Variants in ETV1 observed in about 807,000 individuals in gnomAD.
ETV1 encodes the protein ETS variant transcription factor 1.
In ETV1, 27 loss-of-function variants were observed where a neutral mutation model predicts 62.3. The observed-to-expected ratio is 0.43, with a 90% CI of 0.32 to 0.60. The LOEUF is 0.60. Among genes scored for constraint, ETV1 ranks in the 20% least tolerant of loss-of-function variants. The pLI is 0.06. For synonymous variants in ETV1, 222 were observed against 199.6 expected (o/e 1.11, Z -0.94); for missense variants, 605 against 605.8 (o/e 1.00, Z 0.01).
chr7:13,911,389 A>G, intron 9 of ETV1, 82 bp from the exon 10 acceptor site: 1 of 914,734 alleles, frequency 1.1e-6, no homozygotes, highest in Non-Finnish European at 1.8e-6. Flanking sequence ...CAGACAGAGA[A>G]GATACAGAAA....
chr7:13,928,321 A>G (rs1785666155), intron 9 of ETV1, among the ~76,000 whole-genome samples: 1 of 152,252 alleles, frequency 6.6e-6, no homozygotes, highest in African/African-American at 2.4e-5. Flanking sequence ...CACAGAATCA[A>G]GAAAACAGTT....
At chr7:13,938,814 A>C (rs955275764) in intron 7 of ETV1, among the ~76,000 whole-genome samples, 10 of 152,176 alleles carry the variant, frequency 6.6e-5, no homozygotes, top group Admixed American at 4.6e-4. Flanking sequence ...TAATGCATTC[A>C]TTCTAATGGG....
At chr7:13,900,244 G>A (rs1033090439) in intron 13 of ETV1, 1 of 152,382 alleles carries the variant, frequency 6.6e-6, no homozygotes, top group African/African-American at 2.4e-5. Context: ...TTAATGAATG[G>A]TTTAGGATGT....
Position 13,895,550 on chromosome 7 carries a change from T to C in ETV1, c.*316A>G, listed in dbSNP as rs1026844833. ...GTTATGAAATCAAACAGACATGATATAGTTTCATCATACTCAAAACTTGTA... is the reference window on the plus strand; with the variant it reads ...GTTATGAAATCAAACAGACATGATACAGTTTCATCATACTCAAAACTTGTA... On this transcript the variant is annotated 3_prime_UTR_variant, in exon 14 of 14. Transcript: ENST00000430479. The C allele has an allele frequency of 1.8e-5, 6 of 336,158 alleles. No individual in the cohort carries two copies. The highest frequency in any genetic ancestry group is 1.0e-4 in the African/African-American group (5 of 49,012). The allele number at this position is 336,158 out of a possible 1,614,324, so 20.8% of individuals were successfully genotyped here. A position where few individuals can be genotyped will look rare whatever the true frequency, so the allele number is the denominator to read the frequency against.
intron 6 of ETV1, among the ~76,000 whole-genome samples, chr7:13,959,217 T>C (rs1653162136): frequency 6.6e-6 from 1 of 152,106 alleles, no homozygotes; most frequent in Non-Finnish European, 1.5e-5. Flanking sequence ...CAAAGCCCCT[T>C]TGAAAGATAA....
In ETV1 at chr7:13,892,041, C is replaced by A. The variant is rs944813645; in HGVS notation, c.*3825G>T. On this transcript the variant is annotated 3_prime_UTR_variant, in exon 14 of 14. Transcript: ENST00000430479. ...TTCTGTAGCTTCTGGCAATATATTTCTTTCCTGGTTATATAAAGATAAGTT... is the reference window on the plus strand; with the variant it reads ...TTCTGTAGCTTCTGGCAATATATTTATTTCCTGGTTATATAAAGATAAGTT... 1 of 231,778 alleles carries A rather than the reference C, an allele frequency of 4.3e-6. No homozygotes were observed. The highest frequency in any genetic ancestry group is 8.5e-6 in the Non-Finnish European group (1 of 117,322). 14.4% of individuals were successfully genotyped at this position (231,778 alleles called of 1,614,324 possible).
chr7:13,898,568 T>C (rs897673488), intron 13 of ETV1, among the ~76,000 whole-genome samples: 1 of 152,208 alleles, frequency 6.6e-6, no homozygotes, highest in Non-Finnish European at 1.5e-5. Flanking sequence ...TCCGTATTAC[T>C]AAAATTAATT....
chr7:13,918,725 G>A (rs1193830174), intron 9 of ETV1, among the ~76,000 whole-genome samples: 3 of 151,660 alleles, frequency 2.0e-5, no homozygotes, highest in South Asian at 4.2e-4. Context: ...GGACTGTGGT[G>A]GGGTGGGGGG....
chr7:13,919,311 T>C (rs2158580), intron 9 of ETV1, among the ~76,000 whole-genome samples: 106,797 of 151,734 alleles, frequency 0.7, 38,044 homozygotes, highest in African/African-American at 0.82. Context: ...CAGTGTCATG[T>C]TAAGTGAGTG....
rs143721161 is a variant in ETV1 at position 13,973,300 on chromosome 7, T to A, written c.235+4127A>T. On this transcript the variant is annotated intron_variant, in intron 6 of 13. Transcript: ENST00000430479. ...AAGGAAACCTGATTACTCACATTTT[T>A]AAAAATATCCCCATAGAATTTACAG... Among the ~76,000 whole-genome samples the A allele has an allele frequency of 2.9e-3, 438 of 152,296 alleles. 3 individuals are homozygous for A. Among genetic ancestry groups the A allele is most frequent in the African/African-American group, 0.01 (420 of 41,568 alleles).
Position 13,931,531 on chromosome 7 carries a change from T to C in ETV1, c.773A>G (p.Gln258Arg). 1.2e-6 allele frequency: 2 copies of C among 1,614,062 alleles called. No individual in the cohort carries two copies. Among genetic ancestry groups the C allele is most frequent in the Non-Finnish European group, 1.7e-6 (2 of 1,179,888 alleles). The change falls in exon 9 of 14, where the codon CAG becomes CGG. Residue 258 changes from glutamine (Q) to arginine (R), a missense_variant. This residue lies in a region of ETV1 where 426 missense variants were observed against 377.8 expected (regional missense o/e 1.13). Coordinates refer to ENST00000430479, the MANE Select transcript of ETV1 (RefSeq NM_004956.5). ...QSFPPPLMIK[Q>R]EPRDFAYDSE... ...GTCATATGCAAAATCTCTGGGTTCC[T>C]GTTTAATCATCAGAGGAGGGGGAAA...
Position 13,895,728 on chromosome 7 carries a change from C to T in ETV1, c.*138G>A. 1 of 678,584 alleles carries T rather than the reference C, an allele frequency of 1.5e-6. No individual in the cohort carries two copies. The allele number at this position is 678,584 out of a possible 1,614,324, so 42.0% of individuals were successfully genotyped here. On this transcript the variant is annotated 3_prime_UTR_variant, in exon 14 of 14. Transcript: ENST00000430479. ...CATGGCAGACCATAGAATAATGCAA[C>T]AGGAAAAGCCCCTTTTTGTGTATTA...
intron 9 of ETV1, among the ~76,000 whole-genome samples, chr7:13,919,712 C>T (rs1784612448): frequency 6.6e-6 from 1 of 151,810 alleles, no homozygotes; most frequent in Non-Finnish European, 1.5e-5. Context: ...GTCTCTTTTC[C>T]TCAAACCTAT....
upstream of ETV1, chr7:13,991,124 A>G (rs530472650): frequency 2.0e-5 from 3 of 152,314 alleles, no homozygotes; most frequent in South Asian, 2.1e-4. Flanking sequence ...GCGCGCACCT[A>G]TAAGCATTTT....
chr7:13,988,085 C>T lies in ETV1; in HGVS notation c.133+1G>A. The stretch of plus-strand genomic sequence containing the variant: ...GGATTCAGCCCAAAATCAAACCTCA[C>T]CTTCTGAATCATGAGCCAGATCTCT... On this transcript the variant is annotated splice_donor_variant, in intron 4 of 13. Transcript: ENST00000430479. LOFTEE classifies it high-confidence loss of function. The T allele has an allele frequency of 6.2e-7, 1 of 1,601,598 alleles. No individual in the cohort carries two copies. Among genetic ancestry groups the T allele is most frequent in the Non-Finnish European group, 8.6e-7 (1 of 1,168,766 alleles).
intron 6 of ETV1, among the ~76,000 whole-genome samples, chr7:13,966,806 C>T (rs1780337789): frequency 6.6e-6 from 1 of 152,126 alleles, no homozygotes; most frequent in East Asian, 1.9e-4. Flanking sequence ...GTGATAAATA[C>T]AACTTCATTT....
chr7:13,910,003 T>C (rs1234588044), intron 10 of ETV1, among the ~76,000 whole-genome samples: 3 of 152,220 alleles, frequency 2.0e-5, no homozygotes, highest in Admixed American at 6.5e-5. Context: ...CACCTAAACA[T>C]TGGCAAGGAT....
intron 9 of ETV1, among the ~76,000 whole-genome samples, chr7:13,923,869 C>T (rs542539059): frequency 7.2e-5 from 11 of 151,924 alleles, no homozygotes; most frequent in Non-Finnish European, 1.6e-4. Context: ...TCCGTCTCTA[C>T]TAAAAATACA....
intron 6 of ETV1, among the ~76,000 whole-genome samples, chr7:13,970,648 A>G (rs539953388): frequency 1.3e-5 from 2 of 152,336 alleles, no homozygotes; most frequent in Admixed American, 1.3e-4. Flanking sequence ...ATCATATCAA[A>G]AAAACTTAAT....
Sources: gnomAD v4.1 joint callset for allele counts (sites outside exome capture counted in the v4.1 genomes callset) on GRCh38, gnomAD v4.1.1 for gene constraint, gnomAD v4.1.1 regional missense constraint, MANE v1.5 for transcripts, NCBI Gene and HGNC (gene_info 2026-07-23, HGNC 2026-07-21) for gene names.